Variants in PCDHA2 observed in about 807,000 individuals in gnomAD.
PCDHA2 encodes protocadherin alpha-2.
In PCDHA2, 58 loss-of-function variants were observed where a neutral mutation model predicts 66.0. That is an observed-to-expected ratio of 0.88 (90% confidence interval 0.71 to 1.09). PCDHA2 has a LOEUF of 1.09. Among genes scored for constraint, PCDHA2 ranks in the 50% least tolerant of loss-of-function variants. The pLI is 0.00. For missense variants in PCDHA2, 1,267 were observed against 1,242.3 expected (o/e 1.02, Z -0.30); for synonymous variants, 634 against 554.0 (o/e 1.14, Z -2.03).
intron 1 of PCDHA2, chr5:140,875,947 G>A: frequency 6.2e-7 from 1 of 1,614,184 alleles, no homozygotes; most frequent in South Asian, 1.1e-5. Context: ...GGGCGCTTCT[G>A]ATGCGGATAT....
chr5:140,836,968 T>A, intron 1 of PCDHA2: 1 of 385,792 alleles, frequency 2.6e-6, no homozygotes, highest in South Asian at 6.2e-5. Flanking sequence ...TTGGCTACTC[T>A]CCATTTTTGG....
intron 1 of PCDHA2, chr5:140,865,952 T>C (rs2049067031): frequency 6.6e-6 from 1 of 152,220 alleles, no homozygotes; most frequent in Non-Finnish European, 1.5e-5. Context: ...GTCTTCATCA[T>C]TAATTTTGTA....
At chr5:140,831,524 T>A (rs1771606843) in intron 1 of PCDHA2, among the ~76,000 whole-genome samples, 4 of 26,740 alleles carry the variant, frequency 1.5e-4, no homozygotes, top group Admixed American at 1.4e-3. Context: ...CCCCACCTTT[T>A]TTTTTTTTTT....
In PCDHA2 at chr5:140,795,005, G is replaced by C. The variant is rs782163848; in HGVS notation, c.41G>C (p.Arg14Pro). The C allele has an allele frequency of 1.2e-6, 2 of 1,613,744 alleles. No homozygotes were observed. The highest frequency in any genetic ancestry group is 1.1e-5 in the South Asian group (1 of 91,034). The part of the protein sequence containing the change: ...SIRRGRGAWT[R>P]LLSLLLLAAW... ...AGAAGGGGCCGAGGGGCCTGGACAC[G>C]GCTGCTCTCGCTTCTGCTCCTCGCA... The change falls in exon 1 of 4, where the codon CGG becomes CCG. Residue 14 changes from arginine to proline, a missense_variant. Coordinates refer to ENST00000526136, the MANE Select transcript of PCDHA2 (RefSeq NM_018905.3).
chr5:140,998,781 C>G (rs1554256464), intron 3 of PCDHA2, among the ~76,000 whole-genome samples: 1 of 152,162 alleles, frequency 6.6e-6, no homozygotes, highest in East Asian at 1.9e-4. Context: ...TCAGGCTGGT[C>G]TGGAACCCCT....
At position 140,991,361 on chromosome 5, in the gene PCDHA2, G is replaced by A. The variant is rs1183124741; in HGVS notation, c.2536+8798G>A. On this transcript the variant is annotated intron_variant, in intron 3 of 3. Transcript: ENST00000526136. ...GGTAACTTGGAAAAGACTATTTACT[G>A]TCTGAGTTCTAGGCCAACTGTAGGG... Among the ~76,000 whole-genome samples, 3 of 152,200 alleles carry A rather than the reference G, an allele frequency of 2.0e-5. No individual in the cohort carries two copies. In the East Asian group the frequency reaches 5.8e-4, roughly 29 times the overall value.
Position 140,858,234 on chromosome 5 carries a change from C to T in PCDHA2, c.2388+60882C>T, listed in dbSNP as rs782153266. 3 of 1,596,216 alleles carry T rather than the reference C, an allele frequency of 1.9e-6. No homozygotes were observed. The highest frequency in any genetic ancestry group is 3.4e-5 in the Admixed American group (2 of 59,220). ...TGCTCGGCGGCGCCCACCGAGGGCGCATGTGGGCCGGTGAAGCCCACGCTG... is the reference window on the plus strand; with the variant it reads ...TGCTCGGCGGCGCCCACCGAGGGCGTATGTGGGCCGGTGAAGCCCACGCTG... On this transcript the variant is annotated intron_variant, in intron 1 of 3. Coordinates refer to ENST00000526136, the MANE Select transcript of PCDHA2 (RefSeq NM_018905.3).
At chr5:140,850,181 G>C in intron 1 of PCDHA2, 1 of 1,593,852 alleles carries the variant, frequency 6.3e-7, no homozygotes, top group South Asian at 1.1e-5. Context: ...ACGACAATGC[G>C]CCGGCGCTGC....
chr5:141,006,426 G>A (rs2153987618), intron 3 of PCDHA2, among the ~76,000 whole-genome samples: 1 of 152,170 alleles, frequency 6.6e-6, no homozygotes, highest in Admixed American at 6.5e-5. Context: ...TGTTAGCCAG[G>A]ATGGTCTCAA....
At chr5:140,988,348 A>T (rs2097293800) in intron 3 of PCDHA2, among the ~76,000 whole-genome samples, 1 of 152,116 alleles carries the variant, frequency 6.6e-6, no homozygotes, top group Admixed American at 6.6e-5. Flanking sequence ...TCCTTTTAAG[A>T]TGCACTTTTA....
chr5:140,962,127 G>A (rs1198076557), intron 1 of PCDHA2, among the ~76,000 whole-genome samples: 1 of 151,934 alleles, frequency 6.6e-6, no homozygotes, highest in East Asian at 1.9e-4. Flanking sequence ...CCTTGGCCTC[G>A]GCCTCCCAAA....
intron 1 of PCDHA2, chr5:140,882,890 C>T (rs2059348397): frequency 6.2e-7 from 1 of 1,614,060 alleles, no homozygotes; most frequent in East Asian, 2.2e-5. Flanking sequence ...AATTCAGGAA[C>T]ATAGTTTATT....
intron 1 of PCDHA2, among the ~76,000 whole-genome samples, chr5:140,838,622 A>G (rs1163136173): frequency 6.6e-6 from 1 of 152,030 alleles, no homozygotes; most frequent in Non-Finnish European, 1.5e-5. Flanking sequence ...AATTTTTTAC[A>G]AATAATTTGG....
At chr5:140,855,799 A>C (rs1356663466) in intron 1 of PCDHA2, 4 of 472,784 alleles carry the variant, frequency 8.5e-6, no homozygotes, top group Non-Finnish European at 1.5e-5. Context: ...TTAACATATG[A>C]ATGAAAGAAA....
At chr5:140,928,099 C>T in intron 1 of PCDHA2, 5 of 1,614,204 alleles carry the variant, frequency 3.1e-6, no homozygotes, top group Non-Finnish European at 4.2e-6. Context: ...TGATGGGCCC[C>T]TGGACCGGGA....
chr5:140,870,130 A>T (rs781855370), intron 1 of PCDHA2: 2 of 1,613,866 alleles, frequency 1.2e-6, no homozygotes, highest in East Asian at 4.5e-5. Context: ...CTTGGACACC[A>T]ACGATAACTC....
rs201902460 is a variant in PCDHA2 at position 140,856,564 on chromosome 5, T to G, written c.2388+59212T>G. 3.5e-5 allele frequency: 56 copies of G among 1,597,706 alleles called. 2 individuals are homozygous for G. The highest frequency in any genetic ancestry group is 8.8e-5 in the South Asian group (8 of 90,522). Reference sequence around the variant, plus strand: ...ACGCATTGCTTACTTACAAACTCAGTCCAAATGAGTATTTTGTTCTTGATA... The same window carrying G: ...ACGCATTGCTTACTTACAAACTCAGGCCAAATGAGTATTTTGTTCTTGATA... On this transcript the variant is annotated intron_variant, in intron 1 of 3. Transcript: ENST00000526136.
At chr5:140,991,022 C>T (rs1324609159) in intron 3 of PCDHA2, among the ~76,000 whole-genome samples, 1 of 152,164 alleles carries the variant, frequency 6.6e-6, no homozygotes, top group Non-Finnish European at 1.5e-5. Flanking sequence ...AAGCACTTTA[C>T]ATATGTTGCA....
At chr5:140,842,005 G>T in intron 1 of PCDHA2, 1 of 1,613,756 alleles carries the variant, frequency 6.2e-7, no homozygotes, top group Admixed American at 1.7e-5. Flanking sequence ...CTGTTCAGCT[G>T]CTGGTCACAG....
Sources: allele counts gnomAD v4.1 joint callset (sites outside exome capture counted in the v4.1 genomes callset), GRCh38; gene constraint gnomAD v4.1.1; transcripts MANE v1.5; gene names NCBI Gene and HGNC (gene_info 2026-07-23, HGNC 2026-07-21).